The following CAST variants were observed in gnomAD, a reference collection of about 807,000 sequenced individuals.
CAST encodes calpastatin.
A neutral mutation model predicts 119.6 loss-of-function variants in CAST; 76 were observed. The observed-to-expected ratio is 0.64, with a 90% CI of 0.53 to 0.77. The LOEUF is 0.77. Among genes scored for constraint, CAST ranks in the 30% least tolerant of loss-of-function variants. The pLI is 0.00. For synonymous variants in CAST, 319 were observed against 331.6 expected (o/e 0.96, Z 0.41); for missense variants, 953 against 946.5 (o/e 1.01, Z -0.09).
chr5:96,219,428 T>C, the CAST span, among the ~76,000 whole-genome samples: 1 of 152,162 alleles, frequency 6.6e-6, no homozygotes, highest in South Asian at 2.1e-4. Context: ...ATTTTATAGA[T>C]AAAGGAAGTG....
the CAST span, among the ~76,000 whole-genome samples, chr5:96,238,233 T>C: frequency 6.6e-6 from 1 of 152,152 alleles, no homozygotes; most frequent in Non-Finnish European, 1.5e-5. Flanking sequence ...GACATCACAC[T>C]ATATTTAGGC....
intron 4 of CAST, among the ~76,000 whole-genome samples, chr5:96,726,259 G>GT (rs1167328878): frequency 1.3e-5 from 2 of 152,134 alleles, no homozygotes; most frequent in Admixed American, 6.5e-5. Context: ...CACAAGTAAT[G>GT]TTTAGTTGGA....
At chr5:96,308,088 C>A in the CAST span, among the ~76,000 whole-genome samples, 1 of 152,130 alleles carries the variant, frequency 6.6e-6, no homozygotes, top group African/African-American at 2.4e-5. Flanking sequence ...TTCAGGTACA[C>A]CAATCAAACG....
chr5:96,067,886 A>G, the CAST span, among the ~76,000 whole-genome samples: 5 of 151,522 alleles, frequency 3.3e-5, no homozygotes, highest in Admixed American at 6.6e-5. Context: ...AAAAAAAAAA[A>G]CTTGCTTACA....
chr5:96,563,600 T>A (rs928506080), intron 1 of CAST, among the ~76,000 whole-genome samples: 2 of 152,212 alleles, frequency 1.3e-5, no homozygotes, highest in East Asian at 3.8e-4. Context: ...TGTCACTGTG[T>A]CTATCTTCAG....
intron 1 of CAST, among the ~76,000 whole-genome samples, chr5:96,530,087 G>A (rs1274823424): frequency 6.7e-6 from 1 of 149,316 alleles, no homozygotes; most frequent in Non-Finnish European, 1.5e-5. Context: ...ATAAGAAAGA[G>A]AAAAAGAAAT....
the CAST span, among the ~76,000 whole-genome samples, chr5:96,425,530 C>G: frequency 5.9e-5 from 9 of 152,044 alleles, no homozygotes; most frequent in Admixed American, 1.3e-4. Flanking sequence ...TTTTGGAAAC[C>G]CTAACCTGCA....
rs909173743 is a variant in CAST, at chr5:96,774,512, C to CA, written c.*1901dup. 4 of 986,084 alleles carry CA rather than the reference C, an allele frequency of 4.1e-6. No homozygotes were observed. In the African/African-American group the frequency reaches 5.2e-5, roughly 13 times the overall value. 61.1% of individuals were successfully genotyped at this position (986,084 alleles called of 1,614,324 possible). A position where few individuals can be genotyped will look rare whatever the true frequency, so the allele number is the denominator to read the frequency against. On this transcript the variant is annotated 3_prime_UTR_variant, in exon 32 of 32. Transcript: ENST00000675179. ...GAGGCAAAGAACAATTTTTTATTATCAAAAAGGTTTCTGCACATTGTTGTG... is the reference window on the plus strand; with the variant it reads ...GAGGCAAAGAACAATTTTTTATTATCAAAAAAGGTTTCTGCACATTGTTGTG...
the CAST span, among the ~76,000 whole-genome samples, chr5:96,133,898 C>T: frequency 6.6e-6 from 1 of 152,254 alleles, no homozygotes; most frequent in East Asian, 1.9e-4. Flanking sequence ...TTTGGAGAGG[C>T]CCCTGTGGGC....
At chr5:96,518,209 C>T in the CAST span, among the ~76,000 whole-genome samples, 2 of 152,226 alleles carry the variant, frequency 1.3e-5, no homozygotes, top group Non-Finnish European at 2.9e-5. Flanking sequence ...TAATTCTAGT[C>T]ATCTATACAC....
chr5:95,994,593 T>C, the CAST span, among the ~76,000 whole-genome samples: 1 of 152,044 alleles, frequency 6.6e-6, no homozygotes, highest in African/African-American at 2.4e-5. Context: ...AAACCGTATA[T>C]TTAAAATAAC....
At chr5:96,467,174 A>G in the CAST span, among the ~76,000 whole-genome samples, 1 of 151,024 alleles carries the variant, frequency 6.6e-6, no homozygotes, top group Non-Finnish European at 1.5e-5. Flanking sequence ...CTCATTTTCT[A>G]TTGGTTTTGC....
chr5:95,967,075 T>C, the CAST span, among the ~76,000 whole-genome samples: 1 of 152,202 alleles, frequency 6.6e-6, no homozygotes, highest in Non-Finnish European at 1.5e-5. Context: ...CTAACAACTC[T>C]TACCATTTCC....
chr5:96,750,534 C>A lies in CAST; in HGVS notation c.1429-53C>A, dbSNP rs1394923389. ...TCTTGTTGGTCTACCATTACTCAGT[C>A]TTATTAACCAAATATTTCTAAACTT... On this transcript the variant is annotated intron_variant, in intron 19 of 31. Coordinates refer to ENST00000675179, the MANE Select transcript of CAST (RefSeq NM_001750.7). The A allele has an allele frequency of 6.9e-6, 8 of 1,164,064 alleles. No individual in the cohort carries two copies. In the Admixed American group the frequency reaches 1.2e-4, roughly 17 times the overall value. The allele number at this position is 1,164,064 out of a possible 1,614,324, so 72.1% of individuals were successfully genotyped here.
At chr5:96,173,976 G>C in the CAST span, among the ~76,000 whole-genome samples, 1 of 152,002 alleles carries the variant, frequency 6.6e-6, no homozygotes, top group African/African-American at 2.4e-5. Flanking sequence ...TCACCTGACC[G>C]TGTGATCCTC....
chr5:96,242,657 G>A, the CAST span, among the ~76,000 whole-genome samples: 17 of 152,258 alleles, frequency 1.1e-4, no homozygotes, highest in South Asian at 3.5e-3. Context: ...TTTCTCTTTT[G>A]TGGATGGTGT....
the CAST span, among the ~76,000 whole-genome samples, chr5:96,214,577 A>G: frequency 1.3e-5 from 2 of 152,226 alleles, no homozygotes. Context: ...CATGTTAGCT[A>G]CTTACTGTGT....
At chr5:96,218,846 C>T in the CAST span, among the ~76,000 whole-genome samples, 1 of 152,136 alleles carries the variant, frequency 6.6e-6, no homozygotes, top group Non-Finnish European at 1.5e-5. Context: ...CTGGGAGGCA[C>T]CAAGTGGGTC....
the CAST span, among the ~76,000 whole-genome samples, chr5:95,975,654 A>T: frequency 6.6e-6 from 1 of 152,214 alleles, no homozygotes; most frequent in South Asian, 2.1e-4. Flanking sequence ...GTGAACTAAG[A>T]TATAACATGC....
Sources: gnomAD v4.1 joint callset for allele counts (sites outside exome capture counted in the v4.1 genomes callset) on GRCh38, gnomAD v4.1.1 for gene constraint, MANE v1.5 for transcripts, NCBI Gene and HGNC (gene_info 2026-07-23, HGNC 2026-07-21) for gene names.